Variants in TSR3 observed in about 807,000 individuals in gnomAD.
TSR3 encodes TSR3 ribosome maturation factor.
TSR3 carries 31 observed loss-of-function variants against 28.1 expected under a neutral mutation model. The ratio of observed to expected loss-of-function variants is 1.10; its 90% CI spans 0.83 to 1.49. The LOEUF (loss-of-function observed/expected upper bound fraction) is 1.49. TSR3 is among the 40% of genes most tolerant of loss of function. The pLI, the probability that TSR3 is intolerant of heterozygous loss-of-function variation, is 0.00. For synonymous variants in TSR3, 219 were observed against 197.2 expected (o/e 1.11, Z -0.93); for missense variants, 511 against 444.0 (o/e 1.15, Z -1.36).
chr16:1,349,623 G>A lies in TSR3; in HGVS notation c.768-15C>T. On this transcript the variant is annotated splice_polypyrimidine_tract_variant and intron_variant, in intron 5 of 5. Transcript: ENST00000007390. The stretch of plus-strand genomic sequence containing the variant: ...CCGAGGGCAGCCTGGGAGAGGAGGG[G>A]GAGCACGTTCCCAAATGACGTCCTC... 6.3e-7 allele frequency: 1 copy of A among 1,575,614 alleles called. No individual in the cohort carries two copies. The highest frequency in any genetic ancestry group is 1.2e-5 in the South Asian group (1 of 86,250).
chr16:1,350,360 A>C, intron 3 of TSR3, 126 bp from the exon 4 acceptor site: 212 of 1,087,844 alleles, frequency 1.9e-4, no homozygotes, highest in Middle Eastern at 3.1e-4. Context: ...ACATCAGCTC[A>C]CAGTCCTGAG....
rs1567178912 is a variant in TSR3 at position 1,351,051 on chromosome 16, G to A, written c.333-51C>T. The stretch of plus-strand genomic sequence containing the variant: ...TCAGGAGCCAGCACTACCCAAGGTG[G>A]AGCATGCCCCGGAGAATGGCCTAGC... On this transcript the variant is annotated intron_variant, in intron 2 of 5. Coordinates refer to ENST00000007390, the MANE Select transcript of TSR3 (RefSeq NM_001001410.3). The A allele has an allele frequency of 2.5e-6, 4 of 1,569,404 alleles. No individual in the cohort carries two copies. The South Asian group carries it at 3.4e-5, about 13-fold the overall frequency.
intron 3 of TSR3, 118 bp downstream of exon 3, chr16:1,350,689 G>T: frequency 8.1e-7 from 1 of 1,229,868 alleles, no homozygotes; most frequent in Non-Finnish European, 1.2e-6. Flanking sequence ...TGTCTGAACT[G>T]TTCCCCTGTC....
intron 4 of TSR3, 51 bp downstream of exon 4, chr16:1,350,007 C>G: frequency 6.2e-7 from 1 of 1,611,284 alleles, no homozygotes; most frequent in South Asian, 1.1e-5. Flanking sequence ...GACCAGGCCT[C>G]CCACCCCCCA....
Position 1,350,187 on chromosome 16 carries a change from T to C in TSR3, c.574A>G (p.Lys192Glu), listed in dbSNP as rs778415056. ...TGGCGGTTCAGGTCCAAGAAGCCCTTGCCCCATTTAAACTTCCGCAGCAAA... is the reference window on the plus strand; with the variant it reads ...TGGCGGTTCAGGTCCAAGAAGCCCTCGCCCCATTTAAACTTCCGCAGCAAA... ...VILLRKFKWGKGFLDLNRQLL... is the reference protein window; with the variant it reads ...VILLRKFKWGEGFLDLNRQLL... The change falls in exon 4 of 6, where the codon AAG becomes GAG. Residue 192 changes from lysine (K) to glutamate (E), a missense_variant. Transcript: ENST00000007390. The C allele has an allele frequency of 2.5e-6, 4 of 1,607,684 alleles. No homozygotes were observed. In the Admixed American group the frequency reaches 6.7e-5, roughly 27 times the overall value.
rs540404378 is a variant in TSR3, at chr16:1,349,668, C to T, written c.768-60G>A. 222 of 1,530,682 alleles carry T rather than the reference C, an allele frequency of 1.5e-4. No homozygotes were observed. The African/African-American group carries it at 2.8e-3, about 19-fold the overall frequency. 94.8% of individuals were successfully genotyped at this position (1,530,682 alleles called of 1,614,324 possible). A position where few individuals can be genotyped will look rare whatever the true frequency, so the allele number is the denominator to read the frequency against. On this transcript the variant is annotated intron_variant, in intron 5 of 5. Transcript: ENST00000007390. ...GTCCTCCCTGGCTAGCTGGAGTCAA[C>T]GTCATCCACAAAAAGCCCCCAGCCG...
chr16:1,351,151 G>A (rs2034665695), intron 2 of TSR3, 151 bp from the exon 3 acceptor site: 1 of 956,612 alleles, frequency 1.0e-6, no homozygotes, highest in Non-Finnish European at 1.5e-6. Flanking sequence ...TTTTGAGGCA[G>A]CTGCTTGGGG....
intron 3 of TSR3, 104 bp from the exon 4 acceptor site, chr16:1,350,338 G>C (rs2034637079): frequency 3.9e-6 from 5 of 1,273,216 alleles, no homozygotes; most frequent in Non-Finnish European, 4.2e-6. Context: ...GTAACCGCAG[G>C]GTCCCCAGCA....
In TSR3 at chr16:1,349,576, G is replaced by C; in HGVS notation, c.800C>G (p.Ser267Cys). The C allele has an allele frequency of 6.2e-7, 1 of 1,611,596 alleles. No homozygotes were observed. The highest frequency in any genetic ancestry group is 8.5e-7 in the Non-Finnish European group (1 of 1,179,298). ...CTCGGCGCCAGGCCCTGGGTCCTCA[G>C]ACGCATCACTGTCATCAGTGTCCGA... ...LPSDTDDSDA[S>C]EDPGPGAERG... is the part of the protein sequence containing the mutation. The change falls in exon 6 of 6, where the codon TCT (serine) becomes TGT (cysteine). Residue 267 changes from serine to cysteine, a missense_variant. Coordinates refer to ENST00000007390, the MANE Select transcript of TSR3 (RefSeq NM_001001410.3).
At chr16:1,350,316 G>A in intron 3 of TSR3, 82 bp from the exon 4 acceptor site, 1 of 1,439,928 alleles carries the variant, frequency 6.9e-7, no homozygotes, top group Admixed American at 2.4e-5. Context: ...CCGGATGGCG[G>A]CGCTCTCCCA....
chr16:1,351,811 G>A lies in TSR3; in HGVS notation c.-7C>T. 1 of 1,314,602 alleles carries A rather than the reference G, an allele frequency of 7.6e-7. No homozygotes were observed. The highest frequency in any genetic ancestry group is 2.1e-5 in the South Asian group (1 of 46,810). 81.4% of individuals were successfully genotyped at this position (1,314,602 alleles called of 1,614,324 possible). ...CTGCCCTCCTGCGGCCCATGGCGCGGACCTGGGGTGCCGGGGACTCCCCAC... is the reference window on the plus strand; with the variant it reads ...CTGCCCTCCTGCGGCCCATGGCGCGAACCTGGGGTGCCGGGGACTCCCCAC... On this transcript the variant is annotated 5_prime_UTR_variant, in exon 1 of 6. Coordinates refer to ENST00000007390, the MANE Select transcript of TSR3 (RefSeq NM_001001410.3).
At chr16:1,351,082 G>T in intron 2 of TSR3, 82 bp from the exon 3 acceptor site, 1 of 1,419,428 alleles carries the variant, frequency 7.0e-7, no homozygotes. Context: ...CTAGCTAAGG[G>T]ATTCAGGGAC....
Position 1,350,161 on chromosome 16 carries a change from C to T in TSR3, c.600G>A (p.Gln200=). ...CGCAGGCCGCGTACTTGTCCAGGAGCTGGCGGTTCAGGTCCAAGAAGCCCT... is the reference window on the plus strand; with the variant it reads ...CGCAGGCCGCGTACTTGTCCAGGAGTTGGCGGTTCAGGTCCAAGAAGCCCT... The part of the protein sequence containing the change: ...WGKGFLDLNR[Q]LLDKYAACGS... Residue 200 remains glutamine, a synonymous_variant, in exon 4 of 6, where the codon CAG becomes CAA. Transcript: ENST00000007390. The T allele has an allele frequency of 6.2e-7, 1 of 1,611,740 alleles. No homozygotes were observed. The highest frequency in any genetic ancestry group is 8.5e-7 in the Non-Finnish European group (1 of 1,179,860).
At position 1,351,507 on chromosome 16, in the gene TSR3, G is replaced by C; in HGVS notation, c.204C>G (p.Cys68Trp). The C allele has an allele frequency of 6.5e-7, 1 of 1,540,878 alleles. No individual in the cohort carries two copies. The highest frequency in any genetic ancestry group is 8.7e-7 in the Non-Finnish European group (1 of 1,151,328). Residue 68 changes from cysteine (C) to tryptophan (W), a missense_variant, in exon 2 of 6, where the codon TGC becomes TGG. Physicochemically the swap from Cys to Trp is radical, Grantham distance 215 (BLOSUM62 -2). Coordinates refer to ENST00000007390, the MANE Select transcript of TSR3 (RefSeq NM_001001410.3). ...TGCGGCCCGTGCAGCGCCGGGGGTC[G>C]CAGTGGCCCAACTCCCACATGGCCA... ...CTLAMWELGH[C>W]DPRRCTGRKL...
rs1951379391 is a variant in TSR3, at chr16:1,350,299, CCTG to C, written c.527-68_527-66del. The C allele has an allele frequency of 3.3e-6, 5 of 1,501,590 alleles. No homozygotes were observed. The Admixed American group carries it at 1.1e-4, about 32-fold the overall frequency. The allele number at this position is 1,501,590 out of a possible 1,614,324, so 93.0% of individuals were successfully genotyped here. ...GTCCCCTCAAGTGCCTCCTGATCAC[CCTG>C]CTGCCGGATGGCGGCGCTCTCCCAA... On this transcript the variant is annotated intron_variant, in intron 3 of 5. Coordinates refer to ENST00000007390, the MANE Select transcript of TSR3 (RefSeq NM_001001410.3).
intron 5 of TSR3, 128 bp from the exon 6 acceptor site, chr16:1,349,736 C>A: frequency 7.2e-7 from 1 of 1,383,812 alleles, no homozygotes; most frequent in Non-Finnish European, 9.9e-7. Context: ...ACACCCAAAC[C>A]TCTCCAGTGG....
At chr16:1,350,743 T>C in intron 3 of TSR3, 64 bp downstream of exon 3, 1 of 1,545,456 alleles carries the variant, frequency 6.5e-7, no homozygotes, top group Non-Finnish European at 8.8e-7. Context: ...GGAAACATGA[T>C]GCTGGGAGCA....
At chr16:1,351,233 G>A (rs559155014) in intron 2 of TSR3, 146 bp downstream of exon 2, 4 of 1,013,434 alleles carry the variant, frequency 3.9e-6, no homozygotes, top group Non-Finnish European at 5.6e-6. Context: ...CAGGCTCTGC[G>A]CTACGCAACG....
chr16:1,351,248 C>A (rs1242634812), intron 2 of TSR3, 131 bp downstream of exon 2: 3 of 1,123,456 alleles, frequency 2.7e-6, no homozygotes, highest in Non-Finnish European at 3.7e-6. Flanking sequence ...GCAACGGAGG[C>A]AAACTAGACA....
Sources: allele counts gnomAD v4.1 joint callset, GRCh38; gene constraint gnomAD v4.1.1; transcripts MANE v1.5; gene names NCBI Gene and HGNC (gene_info 2026-07-23, HGNC 2026-07-21).